BUB1: variants seen among roughly 807,000 people sequenced by gnomAD.
BUB1 encodes BUB1 mitotic checkpoint serine/threonine kinase, also known as mitotic checkpoint serine/threonine-protein kinase BUB1.
BUB1 carries 84 observed loss-of-function variants against 135.2 expected under a neutral mutation model. That is an observed-to-expected ratio of 0.62 (90% CI 0.52 to 0.74). The LOEUF (loss-of-function observed/expected upper bound fraction) is 0.74. BUB1 is among the 30% of genes least tolerant of loss of function. The probability of loss-of-function intolerance (pLI) is 0.00; values close to 1 mark genes in which losing one functional copy is unlikely to be tolerated. For missense variants in BUB1, 1,162 were observed against 1,288.3 expected, an observed-to-expected ratio of 0.90 and a Z score of 1.50; for synonymous variants, 403 against 434.4, an observed-to-expected ratio of 0.93 and a Z score of 0.90.
chr2:110,672,947 T>G (rs1001723038), intron 3 of BUB1, 90 bp from the exon 4 acceptor site: 139 of 1,338,466 alleles, frequency 1.0e-4, no homozygotes, highest in Non-Finnish European at 1.3e-4. Flanking sequence ...TGGGAGCCCC[T>G]AGGTAGCTTC....
chr2:110,641,879 C>T (rs1188102497), intron 20 of BUB1, 76 bp from the exon 21 acceptor site: 24 of 1,456,572 alleles, frequency 1.6e-5, no homozygotes, highest in Non-Finnish European at 3.7e-6. Context: ...ACCTCTATCC[C>T]AATAAAAGAT....
chr2:110,665,028 T>C (rs941234609), intron 9 of BUB1, among the ~76,000 whole-genome samples: 22 of 152,216 alleles, frequency 1.4e-4, no homozygotes, highest in African/African-American at 5.3e-4. Flanking sequence ...TTTAGGTACA[T>C]ACACTTGAAA....
intron 21 of BUB1, 42 bp from the exon 22 acceptor site, chr2:110,641,506 GA>G: frequency 6.4e-7 from 1 of 1,572,936 alleles, no homozygotes; most frequent in South Asian, 1.2e-5. Flanking sequence ...AGTTGCACAA[GA>G]TTAATAAAAT....
In BUB1 at chr2:110,646,167, C is replaced by CAAAAAAAA. The variant is rs1157342273; in HGVS notation, c.2347+3059_2347+3066dup. On this transcript the variant is annotated intron_variant, in intron 19 of 24. Coordinates refer to ENST00000302759, the MANE Select transcript of BUB1 (RefSeq NM_004336.5). ...ACATAGCGAGAACCCTATCTCTACC[C>CAAAAAAAA]AAAAAAAAAAAAAAAAAAAAAAGCT... Among the ~76,000 whole-genome samples, 2 of 54,736 alleles carry CAAAAAAAA rather than the reference C, an allele frequency of 3.7e-5. 1 individual carries two copies. The highest frequency in any genetic ancestry group is 1.2e-4 in the African/African-American group (2 of 16,308). 35.9% of individuals were successfully genotyped at this position (54,736 alleles called of 152,430 possible). A position where few individuals can be genotyped will look rare whatever the true frequency, so the allele number is the denominator to read the frequency against.
At chr2:110,661,537 G>C in intron 10 of BUB1, 45 bp downstream of exon 10, 1 of 1,593,714 alleles carries the variant, frequency 6.3e-7, no homozygotes, top group Non-Finnish European at 8.6e-7. Context: ...AAGGTGACAG[G>C]TGCCACTCAC....
intron 1 of BUB1, 102 bp downstream of exon 1, chr2:110,677,868 G>C: frequency 1.5e-6 from 2 of 1,374,074 alleles, no homozygotes; most frequent in East Asian, 2.5e-5. Flanking sequence ...ACCCAGGAAG[G>C]GGGCGAAGGG....
At chr2:110,639,490 T>C (rs1399303646) in intron 24 of BUB1, among the ~76,000 whole-genome samples, 2 of 151,918 alleles carry the variant, frequency 1.3e-5, no homozygotes, top group Non-Finnish European at 2.9e-5. Context: ...CATTTGCGTG[T>C]GTACAGGATG....
intron 1 of BUB1, among the ~76,000 whole-genome samples, chr2:110,674,578 T>C (rs1445915486): frequency 1.3e-5 from 2 of 152,202 alleles, no homozygotes; most frequent in Non-Finnish European, 2.9e-5. Flanking sequence ...CGCTCAGACA[T>C]AGTCAGAAAA....
intron 1 of BUB1, among the ~76,000 whole-genome samples, chr2:110,674,613 A>G (rs550570127): frequency 6.6e-5 from 10 of 152,342 alleles, no homozygotes; most frequent in Non-Finnish European, 1.3e-4. Flanking sequence ...GTGTTTTTCC[A>G]TAAGTCCCAG....
At chr2:110,671,464 G>A (rs1009351566) in intron 4 of BUB1, among the ~76,000 whole-genome samples, 3 of 151,820 alleles carry the variant, frequency 2.0e-5, no homozygotes, top group Middle Eastern at 3.4e-3. Context: ...TCTCAATGAC[G>A]TTTTAAAAAA....
intron 15 of BUB1, 66 bp from the exon 16 acceptor site, chr2:110,655,982 A>G (rs2104534740): frequency 6.9e-7 from 1 of 1,446,710 alleles, no homozygotes; most frequent in Non-Finnish European, 9.6e-7. Flanking sequence ...AACCTTATTC[A>G]ATAACACTTT....
In BUB1 at chr2:110,641,026, T is replaced by C. The variant is rs1158296836; in HGVS notation, c.2955+8A>G. 6.4e-7 allele frequency: 1 copy of C among 1,552,878 alleles called. No individual in the cohort carries two copies. Among genetic ancestry groups the C allele is most frequent in the East Asian group, 2.3e-5 (1 of 44,130 alleles). Reference sequence around the variant, plus strand: ...AATATTTCCAAGTCCCTCACTTTAGTTTTATACCTGGTAGTTCCATGGTTT... The same window carrying C: ...AATATTTCCAAGTCCCTCACTTTAGCTTTATACCTGGTAGTTCCATGGTTT... On this transcript the variant is annotated splice_region_variant and intron_variant, in intron 23 of 24. Transcript: ENST00000302759.
In BUB1 at chr2:110,674,215, C is replaced by T. The variant is rs1430222426; in HGVS notation, c.96G>A (p.Gln32=). 6.2e-7 allele frequency: 1 copy of T among 1,608,894 alleles called. No homozygotes were observed. Among genetic ancestry groups the T allele is most frequent in the South Asian group, 1.1e-5 (1 of 90,804 alleles). ...TCTCAGGAAAATTCTCTTCTACCCA[C>T]TGTATGTATCTAGAAAAATATGGAT... ...DPLGEWERYI[Q]WVEENFPENK... Residue 32 remains glutamine (Q), a synonymous_variant, in exon 3 of 25, where the codon CAG becomes CAA. Coordinates refer to ENST00000302759, the MANE Select transcript of BUB1 (RefSeq NM_004336.5).
intron 24 of BUB1, among the ~76,000 whole-genome samples, chr2:110,639,413 A>T (rs1689442039): frequency 6.6e-6 from 1 of 151,832 alleles, no homozygotes; most frequent in Non-Finnish European, 1.5e-5. Context: ...AAAAAAGAAA[A>T]AAAAGAAAAA....
At chr2:110,642,375 T>C in intron 19 of BUB1, 141 bp from the exon 20 acceptor site, 1 of 514,338 alleles carries the variant, frequency 1.9e-6, no homozygotes, top group Non-Finnish European at 3.5e-6. Flanking sequence ...TACATAACCA[T>C]GGTATATTTG....
intron 5 of BUB1, 79 bp downstream of exon 5, chr2:110,670,446 T>C (rs1574334932): frequency 6.4e-7 from 1 of 1,559,884 alleles, no homozygotes; most frequent in East Asian, 2.2e-5. Context: ...CCGGGTTTGT[T>C]TTTTAAAGAA....
intron 10 of BUB1, among the ~76,000 whole-genome samples, chr2:110,660,288 A>C (rs1447778909): frequency 6.6e-6 from 1 of 152,132 alleles, no homozygotes; most frequent in African/African-American, 2.4e-5. Flanking sequence ...AGGCAGGAGA[A>C]TCACTTGAAC....
chr2:110,661,905 G>A (rs1690111790), intron 9 of BUB1, 64 bp from the exon 10 acceptor site: 1 of 1,549,838 alleles, frequency 6.5e-7, no homozygotes, highest in Non-Finnish European at 8.7e-7. Context: ...TACTAATCAG[G>A]CATTACATCT....
intron 19 of BUB1, among the ~76,000 whole-genome samples, chr2:110,643,229 A>G (rs1216452192): frequency 2.0e-5 from 3 of 152,198 alleles, no homozygotes; most frequent in Non-Finnish European, 1.5e-5. Flanking sequence ...GGACGCAGAG[A>G]ATCACAGCTT....
Sources: allele counts gnomAD v4.1 joint callset (sites outside exome capture counted in the v4.1 genomes callset), GRCh38; gene constraint gnomAD v4.1.1; transcripts MANE v1.5; gene names NCBI Gene and HGNC (gene_info 2026-07-23, HGNC 2026-07-21).